The following NFIA variants were observed in gnomAD, a reference collection of about 807,000 sequenced individuals.
NFIA encodes nuclear factor I A.
Under a neutral mutation model 62.8 loss-of-function variants are expected in NFIA, and 8 were observed. That is an observed-to-expected ratio of 0.13 (90% CI 0.07 to 0.23). The LOEUF (loss-of-function observed/expected upper bound fraction) is 0.23. NFIA is among the 10% of genes least tolerant of loss of function. NFIA has a pLI of 1.00. For synonymous variants in NFIA, 235 were observed against 238.1 expected (o/e 0.99, Z 0.12); for missense variants, 410 against 642.1 (o/e 0.64, Z 3.91).
At chr1:61,449,050 T>C (rs1019805713) in intron 10 of NFIA, among the ~76,000 whole-genome samples, 1 of 152,210 alleles carries the variant, frequency 6.6e-6, no homozygotes, top group Non-Finnish European at 1.5e-5. Context: ...CAGGGATTGG[T>C]GGTTTGGACA....
At chr1:61,145,846 T>C in intron 2 of NFIA, among the ~76,000 whole-genome samples, 1 of 152,222 alleles carries the variant, frequency 6.6e-6, no homozygotes, top group South Asian at 2.1e-4. Flanking sequence ...TGACATGTCC[T>C]GGTGCCCTGG....
chr1:61,281,403 G>A (rs904092292), intron 3 of NFIA, among the ~76,000 whole-genome samples: 3 of 152,170 alleles, frequency 2.0e-5, no homozygotes, highest in South Asian at 2.1e-4. Context: ...TATTTACAAC[G>A]AGTACGTATA....
At chr1:61,421,511 T>C (rs1666619369) in intron 9 of NFIA, among the ~76,000 whole-genome samples, 1 of 152,224 alleles carries the variant, frequency 6.6e-6, no homozygotes, top group Non-Finnish European at 1.5e-5. Flanking sequence ...TCAAACTTCA[T>C]GTCGGTTTGT....
At chr1:61,356,861 A>T (rs1055122516) in intron 5 of NFIA, among the ~76,000 whole-genome samples, 2 of 152,228 alleles carry the variant, frequency 1.3e-5, no homozygotes, top group Non-Finnish European at 2.9e-5. Flanking sequence ...ATTTCTTGCC[A>T]TAAATTGGCC....
At chr1:61,204,203 C>A (rs894531487) in intron 2 of NFIA, among the ~76,000 whole-genome samples, 8 of 152,164 alleles carry the variant, frequency 5.3e-5, no homozygotes, top group South Asian at 2.1e-4. Flanking sequence ...TTTAGAACTT[C>A]TTATTAGTCT....
chr1:61,080,187 T>C (rs568178625), upstream of NFIA, among the ~76,000 whole-genome samples: 2 of 151,972 alleles, frequency 1.3e-5, no homozygotes, highest in South Asian at 4.1e-4. Flanking sequence ...TAAGATAATA[T>C]TGCTAACCGC....
chr1:61,275,209 C>T (rs1657739105), intron 2 of NFIA, among the ~76,000 whole-genome samples: 1 of 152,198 alleles, frequency 6.6e-6, no homozygotes, highest in Non-Finnish European at 1.5e-5. Flanking sequence ...TTGCCACTCA[C>T]TCCTTTGCTG....
chr1:61,215,199 G>A (rs333147), intron 2 of NFIA, among the ~76,000 whole-genome samples: 10,312 of 151,932 alleles, frequency 0.068, 469 homozygotes, highest in East Asian at 0.2. Flanking sequence ...CAATATTGTC[G>A]AACTGCTCAA....
intron 6 of NFIA, among the ~76,000 whole-genome samples, chr1:61,368,461 AAGTT>A (rs1183113007): frequency 1.3e-5 from 2 of 152,234 alleles, no homozygotes; most frequent in Admixed American, 1.3e-4. Flanking sequence ...AGAATTTTAA[AAGTT>A]AGTCATTCTC....
rs1436917474 is a variant in NFIA, at chr1:61,181,594, ATAAGTGT to A, written c.559+92920_559+92926del. Among the ~76,000 whole-genome samples, 55 of 152,180 alleles carry A rather than the reference ATAAGTGT, an allele frequency of 3.6e-4. 1 individual carries two copies. Among genetic ancestry groups the A allele is most frequent in the Admixed American group, 3.5e-3 (54 of 15,282 alleles). On this transcript the variant is annotated intron_variant, in intron 2 of 10. Transcript: ENST00000403491. ...ACTTTATTAAACATGCTGCTTGGTG[ATAAGTGT>A]TAAGTATCTACTTACATATAAAACA...
At chr1:61,095,326 A>G (rs1646391497) in intron 2 of NFIA, among the ~76,000 whole-genome samples, 1 of 152,192 alleles carries the variant, frequency 6.6e-6, no homozygotes, top group Admixed American at 6.5e-5. Context: ...TCATAGCAGT[A>G]TTATGAATTA....
In NFIA at chr1:61,363,886, C is replaced by A. The variant is rs116002507; in HGVS notation, c.946+4612C>A. On this transcript the variant is annotated intron_variant, in intron 6 of 10. Transcript: ENST00000403491. ...CTCAGTGATCTAAAATAGCTGCTGA[C>A]CCTCACTCCATCATCCTATAACTCA... is the stretch of plus-strand genomic sequence containing the variant. Among the ~76,000 whole-genome samples, 1,392 of 151,990 alleles carry A rather than the reference C, an allele frequency of 9.2e-3. 32 individuals are homozygous for A. The highest frequency in any genetic ancestry group is 0.032 in the African/African-American group (1,343 of 41,456).
intron 2 of NFIA, among the ~76,000 whole-genome samples, chr1:61,254,937 A>G (rs1418727092): frequency 6.6e-6 from 1 of 152,230 alleles, no homozygotes; most frequent in African/African-American, 2.4e-5. Context: ...AACAACTGGC[A>G]TGAGAACCCC....
At chr1:61,081,128 G>C (rs1646088832), upstream of NFIA, among the ~76,000 whole-genome samples, 1 of 151,954 alleles carries the variant, frequency 6.6e-6, no homozygotes, top group Admixed American at 6.6e-5. Flanking sequence ...TTTTGAGAAG[G>C]GTTGTCAAAT....
At chr1:61,364,965 G>C (rs12078374) in intron 6 of NFIA, among the ~76,000 whole-genome samples, 1,565 of 152,244 alleles carry the variant, frequency 0.01, 25 homozygotes, top group African/African-American at 0.036. Context: ...TGGGAGGATT[G>C]CTTGAGGCCA....
chr1:61,220,836 G>T (rs1653973493), intron 2 of NFIA, among the ~76,000 whole-genome samples: 1 of 152,200 alleles, frequency 6.6e-6, no homozygotes, highest in Non-Finnish European at 1.5e-5. Context: ...GGGTTAGTAA[G>T]TATATTTGAG....
chr1:61,093,868 C>G (rs1646366465), intron 2 of NFIA, among the ~76,000 whole-genome samples: 1 of 152,116 alleles, frequency 6.6e-6, no homozygotes, highest in South Asian at 2.1e-4. Flanking sequence ...TAATTTAAAC[C>G]TATTTAAGGC....
chr1:61,209,680 A>ACAG (rs1213576799), intron 2 of NFIA, among the ~76,000 whole-genome samples: 2 of 151,174 alleles, frequency 1.3e-5, no homozygotes, highest in African/African-American at 4.9e-5. Context: ...AACAACAACA[A>ACAG]CAACAACAAC....
chr1:61,096,923 T>C (rs1646426479), intron 2 of NFIA, among the ~76,000 whole-genome samples: 1 of 152,088 alleles, frequency 6.6e-6, no homozygotes, highest in African/African-American at 2.4e-5. Context: ...TAATTGTAAA[T>C]AGAAAAAGAT....
Sources: allele counts gnomAD v4.1 joint callset (sites outside exome capture counted in the v4.1 genomes callset), GRCh38; gene constraint gnomAD v4.1.1; transcripts MANE v1.5; gene names NCBI Gene and HGNC (gene_info 2026-07-23, HGNC 2026-07-21).